The following OSBPL10 variants were observed in gnomAD, a reference collection of about 807,000 sequenced individuals.
OSBPL10 encodes the protein oxysterol-binding protein-related protein 10.
A neutral mutation model predicts 81.7 loss-of-function variants in OSBPL10; 49 were observed. The observed-to-expected ratio is 0.60, with a 90% confidence interval of 0.48 to 0.76. The LOEUF (loss-of-function observed/expected upper bound fraction) is 0.76, where lower values mean the gene tolerates loss of function less well. Ranked by LOEUF, OSBPL10 falls within the 30% of genes least tolerant of loss-of-function variation. OSBPL10 has a pLI of 0.00. For missense variants in OSBPL10, 923 were observed against 987.8 expected, an observed-to-expected ratio of 0.93 and a Z score of 0.88; for synonymous variants, 419 against 383.6, an observed-to-expected ratio of 1.09 and a Z score of -1.08.
chr3:31,809,842 G>GA (rs780552457), intron 4 of OSBPL10, among the ~76,000 whole-genome samples: 32 of 144,386 alleles, frequency 2.2e-4, no homozygotes, highest in Admixed American at 8.9e-4. Context: ...ACCAGCCCAA[G>GA]AAAATGTCAA....
chr3:31,999,206 G>C (rs1421640484), intron 2 of OSBPL10, among the ~76,000 whole-genome samples: 2 of 152,136 alleles, frequency 1.3e-5, no homozygotes, highest in Admixed American at 6.5e-5. Context: ...GTGGCATGTA[G>C]CAAAGGTATC....
intron 3 of OSBPL10, among the ~76,000 whole-genome samples, chr3:31,839,069 C>T (rs1700432510): frequency 6.6e-6 from 1 of 152,208 alleles, no homozygotes; most frequent in Admixed American, 6.5e-5. Context: ...CATGGCCTCA[C>T]CTTGCAAAAG....
chr3:31,965,084 A>ATG lies in OSBPL10; in HGVS notation c.281+15814_281+15815insCA, dbSNP rs1472990929. 8.5e-5 allele frequency among the ~76,000 whole-genome samples: 13 copies of ATG among 152,184 alleles called. No homozygotes were observed. In the East Asian group the frequency reaches 1.4e-3, roughly 16 times the overall value. ...AGATAGAACATATTCAATGTCATAA[A>ATG]ACAACCCTTAAAAAATGTAGGCCAG... On this transcript the variant is annotated intron_variant, in intron 1 of 11. Transcript: ENST00000396556.
At chr3:31,907,492 T>C (rs543127135) in intron 1 of OSBPL10, among the ~76,000 whole-genome samples, 35 of 151,604 alleles carry the variant, frequency 2.3e-4, no homozygotes, top group African/African-American at 8.5e-4. Context: ...CCAGGCATGG[T>C]GGCGGGCATC....
chr3:31,681,909 G>A (rs951196988), intron 8 of OSBPL10, among the ~76,000 whole-genome samples: 3 of 151,910 alleles, frequency 2.0e-5, no homozygotes, highest in African/African-American at 4.8e-5. Context: ...CCTAACAACC[G>A]CCCTGAGCTC....
chr3:31,827,716 C>G (rs1173426783), intron 4 of OSBPL10, among the ~76,000 whole-genome samples: 1 of 151,954 alleles, frequency 6.6e-6, no homozygotes, highest in Non-Finnish European at 1.5e-5. Context: ...GAAAAAAACC[C>G]AAAAGCAAAT....
At chr3:31,867,477 C>G (rs1489087388) in intron 3 of OSBPL10, among the ~76,000 whole-genome samples, 1 of 152,134 alleles carries the variant, frequency 6.6e-6, no homozygotes, top group African/African-American at 2.4e-5. Context: ...CACGGTGGCT[C>G]TCACCTGTAA....
chr3:31,663,635 C>T, intron 11 of OSBPL10: 6 of 1,049,018 alleles, frequency 5.7e-6, no homozygotes, highest in Non-Finnish European at 6.9e-6. Context: ...GGAGGCAAAG[C>T]TCTGAAAGGC....
At chr3:31,831,920 C>T (rs969609219) in intron 3 of OSBPL10, among the ~76,000 whole-genome samples, 9 of 152,186 alleles carry the variant, frequency 5.9e-5, no homozygotes, top group Admixed American at 5.2e-4. Flanking sequence ...TGCTATATGT[C>T]CCTGTTAGTC....
chr3:31,991,713 GA>G (rs1004570697), intron 2 of OSBPL10: 43 of 152,442 alleles, frequency 2.8e-4, no homozygotes, highest in Middle Eastern at 3.4e-3. Flanking sequence ...CTTTCTTTCT[GA>G]AAAAAAAAAT....
At chr3:31,887,713 C>G (rs748733805) in intron 1 of OSBPL10, among the ~76,000 whole-genome samples, 16 of 152,116 alleles carry the variant, frequency 1.1e-4, no homozygotes, top group Non-Finnish European at 1.2e-4. Flanking sequence ...ACCAAACTTC[C>G]TGGAAGTAAG....
At chr3:31,849,869 C>G (rs1700719295) in intron 3 of OSBPL10, among the ~76,000 whole-genome samples, 2 of 152,120 alleles carry the variant, frequency 1.3e-5, no homozygotes, top group South Asian at 4.2e-4. Context: ...GAGTCTCCTT[C>G]TCTACAAAAA....
At chr3:31,877,771 T>C (rs1348448595) in intron 2 of OSBPL10, among the ~76,000 whole-genome samples, 1 of 152,186 alleles carries the variant, frequency 6.6e-6, no homozygotes, top group Non-Finnish European at 1.5e-5. Context: ...GATTTGTCTG[T>C]CAAAAGGCCT....
intron 1 of OSBPL10, among the ~76,000 whole-genome samples, chr3:31,885,799 A>G (rs1407498123): frequency 6.9e-6 from 1 of 145,282 alleles, no homozygotes; most frequent in Non-Finnish European, 1.5e-5. Flanking sequence ...CCTGGCCAAC[A>G]TGGTGAAACC....
At chr3:32,003,705 C>G (rs1178967317) in intron 2 of OSBPL10, among the ~76,000 whole-genome samples, 1 of 152,158 alleles carries the variant, frequency 6.6e-6, no homozygotes, top group Non-Finnish European at 1.5e-5. Flanking sequence ...TTTAATTGGT[C>G]CAGGTGGACC....
chr3:31,883,724 G>A (rs1695657267), intron 1 of OSBPL10, among the ~76,000 whole-genome samples: 1 of 151,790 alleles, frequency 6.6e-6, no homozygotes, highest in South Asian at 2.1e-4. Flanking sequence ...TAGAGACAGG[G>A]TTTCGCCATG....
intron 1 of OSBPL10, among the ~76,000 whole-genome samples, chr3:31,880,834 T>C (rs1313596929): frequency 6.6e-6 from 1 of 152,334 alleles, no homozygotes; most frequent in East Asian, 1.9e-4. Context: ...TTTCCTGCAT[T>C]TGGCTTTGTT....
intron 10 of OSBPL10, among the ~76,000 whole-genome samples, chr3:31,666,373 T>C (rs752942631): frequency 5.3e-5 from 8 of 152,338 alleles, no homozygotes; most frequent in Non-Finnish European, 8.8e-5. Flanking sequence ...GGAATTCTAG[T>C]TGGGGACTGG....
At chr3:31,980,462 A>G (rs1698802215) in intron 1 of OSBPL10, among the ~76,000 whole-genome samples, 1 of 152,220 alleles carries the variant, frequency 6.6e-6, no homozygotes, top group Admixed American at 6.5e-5. Context: ...ACTGTTACTT[A>G]GAGAATTACT....
Sources: allele counts gnomAD v4.1 joint callset (sites outside exome capture counted in the v4.1 genomes callset), GRCh38; gene constraint gnomAD v4.1.1; transcripts MANE v1.5; gene names NCBI Gene and HGNC (gene_info 2026-07-23, HGNC 2026-07-21).